Variants in DNAH14 observed in about 807,000 individuals in gnomAD.
DNAH14 encodes the protein axonemal beta dynein heavy chain 14.
In DNAH14, 478 loss-of-function variants were observed where a neutral mutation model predicts 520.9. The ratio of observed to expected loss-of-function variants is 0.92; its 90% CI spans 0.85 to 0.99. DNAH14 has a LOEUF of 0.99. DNAH14 is among the 50% of genes least tolerant of loss of function. DNAH14 has a pLI of 0.00. For missense variants in DNAH14, 4,831 were observed against 5,234.5 expected, an observed-to-expected ratio of 0.92 and a Z score of 2.38; for synonymous variants, 1,581 against 1,757.2, an observed-to-expected ratio of 0.90 and a Z score of 2.51.
intron 33 of DNAH14, among the ~76,000 whole-genome samples, 199 bp downstream of exon 33, chr1:225,153,082 A>G (rs1645055358): frequency 6.6e-6 from 1 of 152,170 alleles, no homozygotes; most frequent in Non-Finnish European, 1.5e-5. Context: ...AAACTGTAAA[A>G]TCAGTCAAGG....
At chr1:225,291,609 T>G (rs1048897126) in intron 55 of DNAH14, among the ~76,000 whole-genome samples, 1 of 152,082 alleles carries the variant, frequency 6.6e-6, no homozygotes, top group African/African-American at 2.4e-5. Context: ...GGGGTCTCAC[T>G]GTGTTGCCCA....
intron 10 of DNAH14, among the ~76,000 whole-genome samples, chr1:225,020,244 C>T (rs1167211222): frequency 6.6e-6 from 1 of 151,850 alleles, no homozygotes; most frequent in Non-Finnish European, 1.5e-5. Context: ...TGCTTGTAAT[C>T]CCAACACTTT....
chr1:224,991,971 C>A (rs2063087612), intron 8 of DNAH14, among the ~76,000 whole-genome samples: 1 of 152,178 alleles, frequency 6.6e-6, no homozygotes, highest in Non-Finnish European at 1.5e-5. Flanking sequence ...TCCAGTTTCC[C>A]CAACACTATT....
intron 54 of DNAH14, among the ~76,000 whole-genome samples, chr1:225,283,178 G>A (rs1193148786): frequency 6.6e-6 from 1 of 151,830 alleles, no homozygotes; most frequent in African/African-American, 2.4e-5. Flanking sequence ...TAACAGTGTG[G>A]CAGACAAGCC....
intron 11 of DNAH14, 149 bp downstream of exon 11, chr1:225,024,014 A>G: frequency 7.3e-7 from 1 of 1,369,752 alleles, no homozygotes; most frequent in Non-Finnish European, 9.4e-7. Context: ...TATTAACAGA[A>G]CTTATTATTT....
At chr1:225,198,529 A>G (rs141563696) in intron 38 of DNAH14, among the ~76,000 whole-genome samples, 51 of 152,144 alleles carry the variant, frequency 3.4e-4, no homozygotes, top group African/African-American at 1.2e-3. Context: ...TTCTATGCCA[A>G]TTTTGCTGAG....
At chr1:224,991,375 G>A (rs2063035278) in intron 8 of DNAH14, among the ~76,000 whole-genome samples, 1 of 151,838 alleles carries the variant, frequency 6.6e-6, no homozygotes, top group Non-Finnish European at 1.5e-5. Flanking sequence ...AAAGTGCTGG[G>A]ATTAGAGGCG....
At chr1:225,040,077 A>G (rs1450732921) in intron 12 of DNAH14, among the ~76,000 whole-genome samples, 2 of 150,556 alleles carry the variant, frequency 1.3e-5, no homozygotes, top group Non-Finnish European at 3.0e-5. Context: ...AGCTGGGACT[A>G]CAGGTGCCCA....
At chr1:225,052,157 G>A (rs2068600300) in intron 17 of DNAH14, among the ~76,000 whole-genome samples, 1 of 152,088 alleles carries the variant, frequency 6.6e-6, no homozygotes, top group African/African-American at 2.4e-5. Context: ...GCTTCATCAA[G>A]CTATGGAGTA....
chr1:225,118,973 A>C (rs12066443), intron 25 of DNAH14, among the ~76,000 whole-genome samples: 18,956 of 151,602 alleles, frequency 0.13, 3,664 homozygotes, highest in African/African-American at 0.42. Flanking sequence ...TGTAAATACC[A>C]TTTTACATGA....
chr1:225,089,530 T>A (rs190764865), intron 21 of DNAH14, among the ~76,000 whole-genome samples: 6 of 148,520 alleles, frequency 4.0e-5, no homozygotes, highest in East Asian at 4.0e-4. Flanking sequence ...ATTTAAAAAA[T>A]TTTTAAAAAC....
chr1:224,977,795 G>T (rs1027752486), intron 8 of DNAH14, among the ~76,000 whole-genome samples: 1 of 152,094 alleles, frequency 6.6e-6, no homozygotes, highest in African/African-American at 2.4e-5. Context: ...TTAATATGCA[G>T]AATATAAAGG....
intron 8 of DNAH14, among the ~76,000 whole-genome samples, chr1:224,998,293 A>G (rs2063526236): frequency 6.6e-6 from 1 of 151,802 alleles, no homozygotes; most frequent in South Asian, 2.1e-4. Flanking sequence ...TTCTGCTCCT[A>G]TCATAATTTC....
chr1:225,381,288 C>G lies in DNAH14; in HGVS notation c.12881-95C>G, dbSNP rs1375120018. 4 of 1,280,668 alleles carry G rather than the reference C, an allele frequency of 3.1e-6. No homozygotes were observed. The African/African-American group carries it at 6.1e-5, about 20-fold the overall frequency. The allele number at this position is 1,280,668 out of a possible 1,614,324, so 79.3% of individuals were successfully genotyped here. A position where few individuals can be genotyped will look rare whatever the true frequency, so the allele number is the denominator to read the frequency against. On this transcript the variant is annotated intron_variant, in intron 80 of 85. Transcript: ENST00000682510. ...TTTATCAACCCCTGGTCAAGACACA[C>G]AAAATTCCCTTAACTTTCAAAGCCT...
intron 46 of DNAH14, among the ~76,000 whole-genome samples, chr1:225,262,987 A>G (rs944542180): frequency 6.8e-6 from 1 of 146,550 alleles, no homozygotes; most frequent in Non-Finnish European, 1.5e-5. Context: ...CTGTCATTCT[A>G]TATGTTTCTT....
At chr1:225,206,290 C>A (rs2087541147) in intron 40 of DNAH14, 111 bp downstream of exon 40, 4 of 963,988 alleles carry the variant, frequency 4.1e-6, no homozygotes, top group Admixed American at 5.8e-5. Context: ...TTGTATCCAG[C>A]AGCATGAACT....
At chr1:225,105,349 G>T (rs1228860338) in intron 23 of DNAH14, among the ~76,000 whole-genome samples, 2 of 152,104 alleles carry the variant, frequency 1.3e-5, no homozygotes. Flanking sequence ...GTGCTGAGAA[G>T]AATGTATATT....
At chr1:224,966,965 A>G (rs1192823173) in intron 5 of DNAH14, among the ~76,000 whole-genome samples, 1 of 152,210 alleles carries the variant, frequency 6.6e-6, no homozygotes, top group Non-Finnish European at 1.5e-5. Flanking sequence ...GATAATGTAT[A>G]TGAAAGAGTT....
At chr1:224,990,095 C>T (rs1378238814) in intron 8 of DNAH14, among the ~76,000 whole-genome samples, 1 of 151,692 alleles carries the variant, frequency 6.6e-6, no homozygotes, top group Non-Finnish European at 1.5e-5. Context: ...TTTCTTCTTC[C>T]TCCTGTTTTC....
Sources: gnomAD v4.1 joint callset for allele counts (sites outside exome capture counted in the v4.1 genomes callset) on GRCh38, gnomAD v4.1.1 for gene constraint, MANE v1.5 for transcripts, NCBI Gene and HGNC (gene_info 2026-07-23, HGNC 2026-07-21) for gene names.